ZMIZ1: variants seen among roughly 807,000 people sequenced by gnomAD.
The protein encoded by ZMIZ1 is zinc finger MIZ domain-containing protein 1.
Under a neutral mutation model 113.9 loss-of-function variants are expected in ZMIZ1, and 17 were observed. The observed-to-expected ratio is 0.15, with a 90% CI of 0.10 to 0.22. The LOEUF is 0.22. ZMIZ1 is among the 10% of genes least tolerant of loss of function. The probability of loss-of-function intolerance (pLI) is 1.00; values close to 1 mark genes in which losing one functional copy is unlikely to be tolerated. For missense variants in ZMIZ1, 1,059 were observed against 1,477.8 expected, an observed-to-expected ratio of 0.72 and a Z score of 4.65; for synonymous variants, 607 against 603.1, an observed-to-expected ratio of 1.01 and a Z score of -0.09.
intron 7 of ZMIZ1, among the ~76,000 whole-genome samples, chr10:79,234,722 T>C (rs1178867540): frequency 6.6e-6 from 1 of 152,228 alleles, no homozygotes; most frequent in Non-Finnish European, 1.5e-5. Context: ...GACAAAATGA[T>C]GTGTGTTGTA....
chr10:79,153,057 A>C (rs1178852624), intron 3 of ZMIZ1, among the ~76,000 whole-genome samples: 1 of 152,208 alleles, frequency 6.6e-6, no homozygotes, highest in Non-Finnish European at 1.5e-5. Flanking sequence ...GTGTCGCTGG[A>C]CTGAGGGAAC....
chr10:79,120,210 G>A (rs1319263566), intron 2 of ZMIZ1, among the ~76,000 whole-genome samples: 2 of 152,194 alleles, frequency 1.3e-5, no homozygotes, highest in Non-Finnish European at 2.9e-5. Context: ...CCTCACAAAC[G>A]TGTACACAGA....
At chr10:79,286,494 G>C (rs1471676107) in intron 8 of ZMIZ1, among the ~76,000 whole-genome samples, 4 of 152,268 alleles carry the variant, frequency 2.6e-5, no homozygotes, top group African/African-American at 4.8e-5. Context: ...GTGGAGGCAA[G>C]CTAGTCCTGA....
chr10:79,230,934 C>T (rs1352054792), intron 7 of ZMIZ1, among the ~76,000 whole-genome samples: 1 of 152,246 alleles, frequency 6.6e-6, no homozygotes, highest in Non-Finnish European at 1.5e-5. Flanking sequence ...AAGGTGGCCC[C>T]ATGGGTCAAG....
intron 19 of ZMIZ1, among the ~76,000 whole-genome samples, chr10:79,304,606 C>T (rs964838541): frequency 2.0e-5 from 3 of 152,150 alleles, no homozygotes; most frequent in Admixed American, 6.5e-5. Flanking sequence ...ATGGGCAGCC[C>T]GGCCTGGAAG....
At chr10:79,305,624 G>A in intron 21 of ZMIZ1, 23 bp downstream of exon 21, 1 of 1,610,214 alleles carries the variant, frequency 6.2e-7, no homozygotes, top group African/African-American at 1.3e-5. Context: ...CTAGCGAGGG[G>A]CAGGGGGTGG....
chr10:79,282,043 C>T (rs1335747872), intron 8 of ZMIZ1, among the ~76,000 whole-genome samples: 1 of 152,160 alleles, frequency 6.6e-6, no homozygotes, highest in Non-Finnish European at 1.5e-5. Flanking sequence ...TCTGAGGACA[C>T]GTTGTGGTTA....
intron 5 of ZMIZ1, among the ~76,000 whole-genome samples, chr10:79,202,205 AAAAAAAAAAG>A (rs1848121730): frequency 2.2e-5 from 3 of 138,904 alleles, no homozygotes; most frequent in Admixed American, 7.0e-5. Flanking sequence ...AAAAAAAAAA[AAAAAAAAAAG>A]AAAGAAAGAA....
At chr10:79,213,801 C>T (rs1230243044) in intron 6 of ZMIZ1, among the ~76,000 whole-genome samples, 1 of 152,140 alleles carries the variant, frequency 6.6e-6, no homozygotes, top group Non-Finnish European at 1.5e-5. Context: ...CTGTCACTGA[C>T]CAGCTTTGAG....
At chr10:79,254,874 A>C (rs1056787591) in intron 7 of ZMIZ1, among the ~76,000 whole-genome samples, 3 of 152,192 alleles carry the variant, frequency 2.0e-5, no homozygotes, top group Non-Finnish European at 4.4e-5. Flanking sequence ...TTTTCAGCAC[A>C]TTGCCCGATG....
chr10:79,267,022 T>G (rs889789410), intron 7 of ZMIZ1, among the ~76,000 whole-genome samples: 5 of 152,208 alleles, frequency 3.3e-5, no homozygotes, highest in Non-Finnish European at 7.4e-5. Flanking sequence ...CCAGGCCTCC[T>G]ATTGTGGAGA....
At chr10:79,141,368 G>A (rs910073835) in intron 3 of ZMIZ1, among the ~76,000 whole-genome samples, 3 of 152,168 alleles carry the variant, frequency 2.0e-5, no homozygotes, top group African/African-American at 4.8e-5. Flanking sequence ...GTCAGGTGAC[G>A]CTAAGTTTTA....
At chr10:79,106,800 T>C (rs1212302653) in intron 1 of ZMIZ1, among the ~76,000 whole-genome samples, 3 of 152,240 alleles carry the variant, frequency 2.0e-5, no homozygotes, top group African/African-American at 7.2e-5. Flanking sequence ...GGAGAGGTGG[T>C]TCGGCCTGGC....
chr10:79,259,557 G>T (rs552373590), intron 7 of ZMIZ1, among the ~76,000 whole-genome samples: 1 of 151,892 alleles, frequency 6.6e-6, no homozygotes, highest in East Asian at 1.9e-4. Flanking sequence ...AATGCTTAGT[G>T]CTTGTGTTTC....
chr10:79,089,537 A>G (rs11002807), intron 1 of ZMIZ1, among the ~76,000 whole-genome samples: 36,647 of 152,166 alleles, frequency 0.24, 5,535 homozygotes, highest in Non-Finnish European at 0.33. Flanking sequence ...CCGGAGGGGT[A>G]CTGGGACTGC....
chr10:79,299,310 G>A (rs761123938), intron 16 of ZMIZ1, 119 bp downstream of exon 16: 192 of 1,381,880 alleles, frequency 1.4e-4, no homozygotes, highest in Non-Finnish European at 1.8e-4. Flanking sequence ...ACACCTTCAC[G>A]TGTTCAGCAT....
intron 1 of ZMIZ1, among the ~76,000 whole-genome samples, chr10:79,094,978 GAGAA>G (rs1843123432): frequency 6.6e-6 from 1 of 150,716 alleles, no homozygotes; most frequent in Non-Finnish European, 1.5e-5. Context: ...AAGAGAGAGA[GAGAA>G]AGCAAGCAAG....
At chr10:79,197,530 G>C (rs911417751) in intron 4 of ZMIZ1, among the ~76,000 whole-genome samples, 2 of 151,696 alleles carry the variant, frequency 1.3e-5, no homozygotes, top group African/African-American at 4.9e-5. Context: ...TACAGCTCCC[G>C]CTTGGGTGAC....
At chr10:79,075,066 G>A (rs546752269) in intron 1 of ZMIZ1, among the ~76,000 whole-genome samples, 18 of 152,348 alleles carry the variant, frequency 1.2e-4, no homozygotes, top group African/African-American at 4.1e-4. Context: ...GCAGGCTGTT[G>A]AGGACAGACG....
Sources: gnomAD v4.1 joint callset for allele counts (sites outside exome capture counted in the v4.1 genomes callset) on GRCh38, gnomAD v4.1.1 for gene constraint, MANE v1.5 for transcripts, NCBI Gene and HGNC (gene_info 2026-07-23, HGNC 2026-07-21) for gene names.